STAG1: variants seen among roughly 807,000 people sequenced by gnomAD.
STAG1 encodes the protein cohesin subunit SA-1.
A neutral mutation model predicts 170.9 loss-of-function variants in STAG1; 26 were observed. The ratio of observed to expected loss-of-function variants is 0.15; its 90% CI spans 0.11 to 0.21. The LOEUF (loss-of-function observed/expected upper bound fraction) is 0.21, where lower values mean the gene tolerates loss of function less well. STAG1 is among the 10% of genes least tolerant of loss of function. The pLI, the probability that STAG1 is intolerant of heterozygous loss-of-function variation, is 1.00. For synonymous variants in STAG1, 514 were observed against 497.7 expected (o/e 1.03, Z -0.44); for missense variants, 964 against 1,509.5 (o/e 0.64, Z 5.99).
At chr3:136,360,566 T>G (rs1043383918) in intron 26 of STAG1, among the ~76,000 whole-genome samples, 4 of 152,226 alleles carry the variant, frequency 2.6e-5, no homozygotes, top group African/African-American at 9.6e-5. Context: ...GTTCTGCACC[T>G]TTTTAGTTTT....
At chr3:136,477,203 A>G in intron 10 of STAG1, 86 bp downstream of exon 10, 2 of 1,416,962 alleles carry the variant, frequency 1.4e-6, no homozygotes, top group Non-Finnish European at 1.9e-6. Context: ...AACTCCTGAA[A>G]AATCAACTAC....
In STAG1 at chr3:136,542,976, G is replaced by A. The variant is rs555068488; in HGVS notation, c.395-781C>T. On this transcript the variant is annotated intron_variant, in intron 5 of 33. Coordinates refer to ENST00000383202, the MANE Select transcript of STAG1 (RefSeq NM_005862.3). ...CCACTACTCTTTATTGACTCTCAAA[G>A]TCAATGGAATCTATCAAAACTATAG... Among the ~76,000 whole-genome samples, 7 of 152,172 alleles carry A rather than the reference G, an allele frequency of 4.6e-5. No homozygotes were observed. In the East Asian group the frequency reaches 1.4e-3, roughly 29 times the overall value.
chr3:136,711,800 G>GA (rs910655684), intron 1 of STAG1, among the ~76,000 whole-genome samples: 8 of 148,158 alleles, frequency 5.4e-5, no homozygotes, highest in Admixed American at 6.7e-5. Context: ...ATATCCATTT[G>GA]AAAAAAAAAT....
chr3:136,511,217 T>G (rs1454117181), intron 7 of STAG1, among the ~76,000 whole-genome samples: 1 of 152,256 alleles, frequency 6.6e-6, no homozygotes, highest in Non-Finnish European at 1.5e-5. Flanking sequence ...AATGCAGAAC[T>G]GTGTGTCAAT....
intron 29 of STAG1, among the ~76,000 whole-genome samples, chr3:136,344,675 G>A (rs1309572689): frequency 6.6e-6 from 1 of 151,930 alleles, no homozygotes; most frequent in African/African-American, 2.4e-5. Context: ...GTGCAGTGGC[G>A]TGATCTCGGC....
At chr3:136,381,313 T>C (rs1483420180) in intron 22 of STAG1, among the ~76,000 whole-genome samples, 3 of 151,980 alleles carry the variant, frequency 2.0e-5, no homozygotes, top group Admixed American at 1.3e-4. Context: ...ATTTGAAAGA[T>C]GAATGACAAA....
intron 1 of STAG1, among the ~76,000 whole-genome samples, chr3:136,631,845 G>A (rs1267997090): frequency 6.6e-6 from 1 of 152,088 alleles, no homozygotes; most frequent in Non-Finnish European, 1.5e-5. Context: ...GAAAGACAAA[G>A]TACAAGGCAG....
intron 7 of STAG1, among the ~76,000 whole-genome samples, chr3:136,516,006 A>G (rs1576552717): frequency 1.3e-5 from 2 of 152,166 alleles, no homozygotes; most frequent in East Asian, 3.8e-4. Context: ...AAACTCTAGA[A>G]GAATTTTGAA....
chr3:136,487,635 C>A (rs760612840), intron 9 of STAG1, among the ~76,000 whole-genome samples: 50 of 152,192 alleles, frequency 3.3e-4, no homozygotes, highest in Non-Finnish European at 6.3e-4. Flanking sequence ...GCTGACATCA[C>A]CCTGATAGAT....
chr3:136,397,917 C>T (rs2108339542), intron 22 of STAG1, among the ~76,000 whole-genome samples: 1 of 151,552 alleles, frequency 6.6e-6, no homozygotes. Context: ...CACTTTGTGT[C>T]TCTAGGTATC....
chr3:136,503,499 T>C (rs1441376444), intron 7 of STAG1, among the ~76,000 whole-genome samples: 2 of 152,222 alleles, frequency 1.3e-5, no homozygotes, highest in Non-Finnish European at 2.9e-5. Context: ...TGTCTGTTCA[T>C]ATTTGTTTTC....
chr3:136,628,025 T>A (rs984486610), intron 2 of STAG1, among the ~76,000 whole-genome samples: 2 of 152,210 alleles, frequency 1.3e-5, no homozygotes, highest in Non-Finnish European at 2.9e-5. Context: ...TGGCTCTGTG[T>A]CCTCACCAAA....
intron 16 of STAG1, among the ~76,000 whole-genome samples, chr3:136,432,351 A>G (rs567053295): frequency 5.3e-5 from 8 of 152,246 alleles, no homozygotes; most frequent in African/African-American, 1.9e-4. Flanking sequence ...TGCCTGCTAA[A>G]TCCAACATAT....
intron 28 of STAG1, among the ~76,000 whole-genome samples, chr3:136,352,819 G>C (rs778894102): frequency 3.3e-5 from 5 of 152,078 alleles, no homozygotes; most frequent in Non-Finnish European, 5.9e-5. Context: ...GTTAAAGGTA[G>C]GCTATATTAT....
chr3:136,477,451 C>G lies in STAG1; in HGVS notation c.903-39G>C, dbSNP rs527687966. The G allele has an allele frequency of 3.2e-6, 5 of 1,558,662 alleles. No homozygotes were observed. The East Asian group carries it at 1.1e-4, about 36-fold the overall frequency. ...AAAAAGACAATCTCAAATTAATATA[C>G]AAAGCTAGAATGCATTCATACTCGC... On this transcript the variant is annotated intron_variant, in intron 9 of 33. Coordinates refer to ENST00000383202, the MANE Select transcript of STAG1 (RefSeq NM_005862.3).
rs541498081 is a variant in STAG1 at position 136,616,763 on chromosome 3, T to C, written c.132+6383A>G. On this transcript the variant is annotated intron_variant, in intron 3 of 33. Transcript: ENST00000383202. ...CTCTACAAAAACTTAGCCGGTGTGG[T>C]GATGCATGACTGTAGTCCCACTCCA... 3.3e-5 allele frequency among the ~76,000 whole-genome samples: 5 copies of C among 152,144 alleles called. No individual in the cohort carries two copies. In the South Asian group the frequency reaches 8.3e-4, roughly 25 times the overall value.
intron 28 of STAG1, among the ~76,000 whole-genome samples, chr3:136,356,124 A>C (rs1244305140): frequency 6.6e-6 from 1 of 150,756 alleles, no homozygotes; most frequent in African/African-American, 2.4e-5. Flanking sequence ...TCTTGCCCTC[A>C]AACAATCCTC....
chr3:136,746,971 C>T (rs1291637471), intron 1 of STAG1, among the ~76,000 whole-genome samples: 1 of 151,970 alleles, frequency 6.6e-6, no homozygotes, highest in Non-Finnish European at 1.5e-5. Context: ...TGGCACATGC[C>T]TGTAATCCCA....
chr3:136,553,780 A>G (rs2107741929), intron 5 of STAG1, among the ~76,000 whole-genome samples: 1 of 152,360 alleles, frequency 6.6e-6, no homozygotes, highest in South Asian at 2.1e-4. Context: ...CTCAAAACAA[A>G]AAGTTCAAAG....
Sources: gnomAD v4.1 joint callset for allele counts (sites outside exome capture counted in the v4.1 genomes callset) on GRCh38, gnomAD v4.1.1 for gene constraint, MANE v1.5 for transcripts, NCBI Gene and HGNC (gene_info 2026-07-23, HGNC 2026-07-21) for gene names.